DYNLRB2: variants seen among roughly 807,000 people sequenced by gnomAD.
The protein encoded by DYNLRB2 is dynein light chain roadblock-type 2.
DYNLRB2 carries 14 observed loss-of-function variants against 12.6 expected under a neutral mutation model. That is an observed-to-expected ratio of 1.11 (90% confidence interval 0.73 to 1.73). The LOEUF is 1.73. Ranked by LOEUF, DYNLRB2 falls within the 40% of genes most tolerant of loss-of-function variation. The probability of loss-of-function intolerance (pLI) is 0.00; values close to 1 mark genes in which losing one functional copy is unlikely to be tolerated. For missense variants in DYNLRB2, 142 were observed against 117.7 expected, an observed-to-expected ratio of 1.21 and a Z score of -0.95; for synonymous variants, 53 against 37.0, an observed-to-expected ratio of 1.43 and a Z score of -1.57.
intron 2 of DYNLRB2, chr16:80,547,724 T>G (rs948256486): frequency 2.0e-5 from 9 of 455,236 alleles, no homozygotes; most frequent in Admixed American, 1.9e-4. Context: ...AAAGGTTGCA[T>G]GCTTGCTACG....
At chr16:80,541,235 A>T in intron 1 of DYNLRB2, 156 bp downstream of exon 1, 1 of 963,500 alleles carries the variant, frequency 1.0e-6, no homozygotes, top group Non-Finnish European at 1.2e-6. Context: ...GGCGAGAGGG[A>T]GACCTTGGAA....
rs1440190881 is a variant in DYNLRB2 at position 80,549,535 on chromosome 16, G to A, written c.131G>A (p.Gly44Asp). Reference sequence around the variant, plus strand: ...AACTCAACAACTGTTCAATATGCAGGCCTTCTTCATCACCTGACAATGAAA... The same window carrying A: ...AACTCAACAACTGTTCAATATGCAGACCTTCTTCATCACCTGACAATGAAA... ...LDNSTTVQYAGLLHHLTMKAK... is the reference protein window; with the variant it reads ...LDNSTTVQYADLLHHLTMKAK... Residue 44 changes from glycine (G) to aspartate (D), a missense_variant, in exon 3 of 4, where the codon GGC becomes GAC. Transcript: ENST00000305904. 6 of 1,612,944 alleles carry A rather than the reference G, an allele frequency of 3.7e-6. No individual in the cohort carries two copies. The highest frequency in any genetic ancestry group is 2.2e-5 in the South Asian group (2 of 90,958).
chr16:80,541,197 G>A, intron 1 of DYNLRB2, 118 bp downstream of exon 1: 6 of 1,459,650 alleles, frequency 4.1e-6, no homozygotes. Context: ...CGCGGCGGAG[G>A]CTGGTGGCTC....
intron 2 of DYNLRB2, among the ~76,000 whole-genome samples, chr16:80,548,726 CAAAA>C (rs5818303): frequency 7.8e-6 from 1 of 128,322 alleles, no homozygotes; most frequent in Non-Finnish European, 1.6e-5. Context: ...GACTCCGTCT[CAAAA>C]AAAAAAAAAA....
chr16:80,540,852 C>T (rs1909277632), upstream of DYNLRB2: 1 of 772,092 alleles, frequency 1.3e-6, no homozygotes, highest in Middle Eastern at 2.2e-4. Flanking sequence ...GGGCGAACCT[C>T]AGGTGAGCGC....
At chr16:80,542,043 AG>A (rs1904292946) in intron 1 of DYNLRB2, among the ~76,000 whole-genome samples, 1 of 152,218 alleles carries the variant, frequency 6.6e-6, no homozygotes, top group African/African-American at 2.4e-5. Context: ...TGTTGCTATT[AG>A]GTCCTTAATA....
upstream of DYNLRB2, chr16:80,540,837 G>C (rs546802605): frequency 2.7e-6 from 2 of 733,684 alleles, no homozygotes; most frequent in South Asian, 1.5e-5. Flanking sequence ...CACTGCTCCA[G>C]GATTGGGCGA....
chr16:80,543,714 C>A (rs1196587325), intron 2 of DYNLRB2, among the ~76,000 whole-genome samples: 2 of 152,188 alleles, frequency 1.3e-5, no homozygotes, highest in Non-Finnish European at 2.9e-5. Context: ...GTTTGCGTTT[C>A]AACATTATGA....
intron 2 of DYNLRB2, among the ~76,000 whole-genome samples, chr16:80,545,432 A>G (rs1034467363): frequency 8.5e-5 from 13 of 152,154 alleles, no homozygotes; most frequent in African/African-American, 3.1e-4. Flanking sequence ...TACTCACAGT[A>G]TTAGATGAAA....
chr16:80,548,854 C>G (rs1904650608), intron 2 of DYNLRB2: 6 of 438,792 alleles, frequency 1.4e-5, no homozygotes, highest in South Asian at 9.6e-5. Context: ...TAACATAAAA[C>G]TTAAGATTTG....
rs374475459 is a variant in DYNLRB2 at position 80,549,623 on chromosome 16, A to T, written c.219A>T (p.Ser73=). ...QNDLTFLRIR[S]KKHEIMVAPD... is the part of the protein sequence containing the mutation. ...ACCTGACTTTTCTTAGGATCAGATC[A>T]AAGAAACATGAAATCATGGTAGCTC... The change falls in exon 3 of 4, where the codon TCA becomes TCT. Residue 73 remains serine (S), a synonymous_variant. Transcript: ENST00000305904. The T allele has an allele frequency of 1.9e-6, 3 of 1,606,760 alleles. No individual in the cohort carries two copies. The highest frequency in any genetic ancestry group is 2.6e-6 in the Non-Finnish European group (3 of 1,174,292).
At chr16:80,545,193 T>A (rs1247766303) in intron 2 of DYNLRB2, among the ~76,000 whole-genome samples, 1 of 152,072 alleles carries the variant, frequency 6.6e-6, no homozygotes, top group Non-Finnish European at 1.5e-5. Flanking sequence ...TTCACCCCCT[T>A]TGATCTATAA....
chr16:80,542,333 A>G (rs891597313), intron 1 of DYNLRB2, among the ~76,000 whole-genome samples: 2 of 152,242 alleles, frequency 1.3e-5, no homozygotes, highest in South Asian at 2.1e-4. Flanking sequence ...GGCAAGAATC[A>G]TGAATCTAGT....
intron 3 of DYNLRB2, 23 bp from the exon 4 acceptor site, chr16:80,550,492 T>G (rs1446260957): frequency 6.2e-7 from 1 of 1,613,710 alleles, no homozygotes; most frequent in East Asian, 2.2e-5. Flanking sequence ...AAGGGTGAAT[T>G]GATTTTATCC....
In DYNLRB2 at chr16:80,545,666, C is replaced by CTTTTTTTTTTTTTTTTTTT. The variant is rs775659372; in HGVS notation, c.79+2316_79+2334dup. Among the ~76,000 whole-genome samples the CTTTTTTTTTTTTTTTTTTT allele has an allele frequency of 7.5e-4, 56 of 74,912 alleles. 7 individuals carry two copies. Among genetic ancestry groups the CTTTTTTTTTTTTTTTTTTT allele is most frequent in the South Asian group, 1.1e-3 (2 of 1,748 alleles). The allele number at this position is 74,912 out of a possible 152,430, so 49.1% of individuals were successfully genotyped here. A position where few individuals can be genotyped will look rare whatever the true frequency, so the allele number is the denominator to read the frequency against. ...TATTATTTTCAGTACCCATTAGCTT[C>CTTTTTTTTTTTTTTTTTTT]TTTTTTTTTTTTTTTTTTTGAGATG... is the stretch of plus-strand genomic sequence containing the variant. On this transcript the variant is annotated intron_variant, in intron 2 of 3. Transcript: ENST00000305904.
chr16:80,541,455 G>C (rs1904287609), intron 1 of DYNLRB2: 3 of 940,094 alleles, frequency 3.2e-6, no homozygotes, highest in South Asian at 4.9e-5. Context: ...CAGACCCTTA[G>C]AGAGAAGGAA....
chr16:80,547,443 G>A (rs1029904975), intron 2 of DYNLRB2, among the ~76,000 whole-genome samples: 28 of 152,134 alleles, frequency 1.8e-4, no homozygotes, highest in African/African-American at 6.5e-4. Flanking sequence ...AATATTTGTT[G>A]ATTGATTTTT....
chr16:80,550,008 G>C (rs1306651340), intron 3 of DYNLRB2, among the ~76,000 whole-genome samples: 1 of 152,176 alleles, frequency 6.6e-6, no homozygotes, highest in Non-Finnish European at 1.5e-5. Context: ...CCCAAGGCCT[G>C]TAGGTTCTTA....
chr16:80,547,278 C>T (rs1370209374), intron 2 of DYNLRB2, among the ~76,000 whole-genome samples: 1 of 152,152 alleles, frequency 6.6e-6, no homozygotes, highest in African/African-American at 2.4e-5. Context: ...CAAACACATA[C>T]ATTCTTGAAT....
Sources: gnomAD v4.1 joint callset for allele counts (sites outside exome capture counted in the v4.1 genomes callset) on GRCh38, gnomAD v4.1.1 for gene constraint, MANE v1.5 for transcripts, NCBI Gene and HGNC (gene_info 2026-07-23, HGNC 2026-07-21) for gene names.